Variants in RAPH1 observed in about 807,000 individuals in gnomAD.
RAPH1 encodes the protein ras-associated and pleckstrin homology domains-containing protein 1.
RAPH1 carries 18 observed loss-of-function variants against 88.1 expected under a neutral mutation model. The ratio of observed to expected loss-of-function variants is 0.20; its 90% CI spans 0.14 to 0.30. The LOEUF is 0.30. Ranked by LOEUF, RAPH1 falls within the 10% of genes least tolerant of loss-of-function variation. The probability of loss-of-function intolerance (pLI) is 1.00; values close to 1 mark genes in which losing one functional copy is unlikely to be tolerated. For synonymous variants in RAPH1, 587 were observed against 559.0 expected, an observed-to-expected ratio of 1.05 and a Z score of -0.71; for missense variants, 1,448 against 1,543.2, an observed-to-expected ratio of 0.94 and a Z score of 1.03.
At chr2:203,531,796 G>C (rs552164814) in intron 1 of RAPH1, among the ~76,000 whole-genome samples, 1 of 152,212 alleles carries the variant, frequency 6.6e-6, no homozygotes, top group Non-Finnish European at 1.5e-5. Flanking sequence ...TAGTGGGAAT[G>C]TAAAATGGTG....
intron 13 of RAPH1, chr2:203,442,229 ACAAC>A: frequency 2.8e-6 from 2 of 722,292 alleles, no homozygotes; most frequent in South Asian, 4.9e-5. Context: ...GCATTTGCCA[ACAAC>A]CAACCCATCT....
chr2:203,512,449 TC>T (rs1689390076), intron 1 of RAPH1, among the ~76,000 whole-genome samples: 2 of 151,582 alleles, frequency 1.3e-5, no homozygotes, highest in South Asian at 4.2e-4. Flanking sequence ...GAGTAAGAAA[TC>T]CAACCAGAGA....
intron 13 of RAPH1, chr2:203,442,075 G>A: frequency 1.3e-6 from 2 of 1,595,558 alleles, no homozygotes; most frequent in South Asian, 2.3e-5. Flanking sequence ...CTTTACATTT[G>A]TTTTACTGGA....
intron 1 of RAPH1, among the ~76,000 whole-genome samples, chr2:203,514,418 C>A (rs2105937203): frequency 6.6e-6 from 1 of 152,060 alleles, no homozygotes; most frequent in Admixed American, 6.5e-5. Flanking sequence ...TTAATATGGT[C>A]ATGGTTATGA....
Position 203,437,482 on chromosome 2 carries a change from C to G in RAPH1, c.*1955G>C, listed in dbSNP as rs2098499433. Reference sequence around the variant, plus strand: ...CTCAAACATTACCCAAATTTCTGTGCATGCTTAAATTAACAATGCAGATGT... The same window carrying G: ...CTCAAACATTACCCAAATTTCTGTGGATGCTTAAATTAACAATGCAGATGT... On this transcript the variant is annotated 3_prime_UTR_variant, in exon 14 of 14. Coordinates refer to ENST00000319170, the MANE Select transcript of RAPH1 (RefSeq NM_213589.3). 6.6e-6 allele frequency: 1 copy of G among 152,188 alleles called. No individual in the cohort carries two copies. Among genetic ancestry groups the G allele is most frequent in the Non-Finnish European group, 1.5e-5 (1 of 68,032 alleles). The allele number at this position is 152,188 out of a possible 1,614,324, so 9.4% of individuals were successfully genotyped here.
chr2:203,475,242 T>C (rs1304017754), intron 4 of RAPH1, among the ~76,000 whole-genome samples: 1 of 151,748 alleles, frequency 6.6e-6, no homozygotes, highest in African/African-American at 2.4e-5. Flanking sequence ...CCCGTCTCTA[T>C]TAAAAATACA....
intron 13 of RAPH1, 60 bp from the exon 14 acceptor site, chr2:203,441,473 A>C: frequency 6.8e-7 from 1 of 1,477,000 alleles, no homozygotes; most frequent in South Asian, 1.4e-5. Flanking sequence ...AAACAGTTAC[A>C]GAGGTAAGCT....
intron 13 of RAPH1, chr2:203,441,730 A>C: frequency 7.8e-7 from 1 of 1,282,820 alleles, no homozygotes; most frequent in Non-Finnish European, 9.8e-7. Flanking sequence ...CCTTGGCTGT[A>C]TGACTTTGAC....
At chr2:203,506,126 C>T (rs1480546425) in intron 1 of RAPH1, among the ~76,000 whole-genome samples, 2 of 152,146 alleles carry the variant, frequency 1.3e-5, no homozygotes, top group Non-Finnish European at 2.9e-5. Flanking sequence ...CCAGAGGCAA[C>T]CCATGCTTTG....
intron 8 of RAPH1, 130 bp downstream of exon 8, chr2:203,457,400 G>T: frequency 1.3e-6 from 1 of 772,842 alleles, no homozygotes; most frequent in South Asian, 1.5e-5. Context: ...TGGGCAGGCT[G>T]GTCTTGAACT....
At chr2:203,519,110 C>T (rs765837900) in intron 1 of RAPH1, among the ~76,000 whole-genome samples, 50 of 152,178 alleles carry the variant, frequency 3.3e-4, no homozygotes, top group African/African-American at 1.0e-3. Context: ...AATCTCTTCT[C>T]GAAGATAGAA....
At chr2:203,442,464 C>T (rs953228821) in intron 13 of RAPH1, 1 of 158,382 alleles carries the variant, frequency 6.3e-6, no homozygotes, top group Admixed American at 6.5e-5. Context: ...CTAGAAGGCT[C>T]ATTATAGGGC....
rs867478790 is a variant in RAPH1 at position 203,506,873 on chromosome 2, T to G, written c.1-11520A>C. ...ATCTATATCTATATATATATATATA[T>G]ATATATAGATATATATATATATATA... On this transcript the variant is annotated intron_variant, in intron 1 of 13. Coordinates refer to ENST00000319170, the MANE Select transcript of RAPH1 (RefSeq NM_213589.3). Among the ~76,000 whole-genome samples the G allele has an allele frequency of 6.9e-4, 73 of 105,412 alleles. 5 individuals are homozygous for G. Among genetic ancestry groups the G allele is most frequent in the Non-Finnish European group, 1.0e-3 (56 of 55,272 alleles). The allele number at this position is 105,412 out of a possible 152,430, so 69.2% of individuals were successfully genotyped here. A position where few individuals can be genotyped will look rare whatever the true frequency, so the allele number is the denominator to read the frequency against.
Position 203,506,808 on chromosome 2 carries a change from ATATC to A in RAPH1, c.1-11459_1-11456del, listed in dbSNP as rs1171464863. 1.2e-3 allele frequency among the ~76,000 whole-genome samples: 118 copies of A among 99,686 alleles called. 7 individuals are homozygous for A. Among genetic ancestry groups the A allele is most frequent in the African/African-American group, 5.0e-3 (93 of 18,554 alleles). The allele number at this position is 99,686 out of a possible 152,430, so 65.4% of individuals were successfully genotyped here. ...GATATATATATCTATATATATATCT[ATATC>A]TATATATCTATATATATATCTATAT... On this transcript the variant is annotated intron_variant, in intron 1 of 13. Transcript: ENST00000319170.
intron 12 of RAPH1, chr2:203,447,473 C>A (rs996708687): frequency 2.0e-5 from 3 of 152,242 alleles, no homozygotes; most frequent in African/African-American, 7.2e-5. Flanking sequence ...ACATCCAATG[C>A]AAAAATTTAA....
chr2:203,510,239 C>T (rs114269949), intron 1 of RAPH1, among the ~76,000 whole-genome samples: 3,842 of 144,044 alleles, frequency 0.027, 156 homozygotes, highest in African/African-American at 0.092. Flanking sequence ...AGGAGGCTAA[C>T]GTAGGAAAAT....
chr2:203,534,951 C>T (rs1296439813), intron 1 of RAPH1, among the ~76,000 whole-genome samples, 160 bp downstream of exon 1: 2 of 152,218 alleles, frequency 1.3e-5, no homozygotes, highest in South Asian at 4.1e-4. Context: ...GATCCCCAAC[C>T]TGGCAACGAC....
rs753204092 is a variant in RAPH1, at chr2:203,437,747, G to A, written c.*1690C>T. On this transcript the variant is annotated 3_prime_UTR_variant, in exon 14 of 14. Coordinates refer to ENST00000319170, the MANE Select transcript of RAPH1 (RefSeq NM_213589.3). The stretch of plus-strand genomic sequence containing the variant: ...TAATTAAGCACTTTTGCTCATTCTA[G>A]AATTATTTACCATCTCTTCCCCCAC... 1 of 187,458 alleles carries A rather than the reference G, an allele frequency of 5.3e-6. No homozygotes were observed. The highest frequency in any genetic ancestry group is 2.4e-5 in the African/African-American group (1 of 41,904). 11.6% of individuals were successfully genotyped at this position (187,458 alleles called of 1,614,324 possible).
chr2:203,509,161 C>T (rs13004385), intron 1 of RAPH1, among the ~76,000 whole-genome samples: 1 of 150,890 alleles, frequency 6.6e-6, no homozygotes, highest in Non-Finnish European at 1.5e-5. Context: ...ACCTCTGCCT[C>T]CCAGGTTCAA....
Sources: allele counts gnomAD v4.1 joint callset (sites outside exome capture counted in the v4.1 genomes callset), GRCh38; gene constraint gnomAD v4.1.1; transcripts MANE v1.5; gene names NCBI Gene and HGNC (gene_info 2026-07-23, HGNC 2026-07-21).